HTD2: variants seen among roughly 807,000 people sequenced by gnomAD.
HTD2 encodes the protein hydroxyacyl-thioester dehydratase type 2, mitochondrial.
In HTD2, 1 loss-of-function variant was observed where a neutral mutation model predicts 3.1. The ratio of observed to expected loss-of-function variants is 0.32; its 90% CI spans 0.11 to 1.52. HTD2 has a LOEUF of 1.52. HTD2 is among the 40% of genes most tolerant of loss of function. HTD2 has a pLI of 0.39. For synonymous variants in HTD2, 50 were observed against 28.9 expected (o/e 1.73, Z -2.34); for missense variants, 150 against 79.6 (o/e 1.88, Z -3.36).
At chr3:58,316,223 G>A (rs1169421455) in intron 2 of HTD2, among the ~76,000 whole-genome samples, 1 of 152,192 alleles carries the variant, frequency 6.6e-6, no homozygotes, top group Non-Finnish European at 1.5e-5. Context: ...AAAGTATGGT[G>A]TCCTGTACAA....
intron 2 of HTD2, chr3:58,315,688 A>G (rs1389634774): frequency 6.6e-6 from 1 of 151,906 alleles, no homozygotes; most frequent in African/African-American, 2.4e-5. Flanking sequence ...TTATTTATTT[A>G]TTTTTGAAAC....
chr3:58,316,350 C>G (rs1307905881), intron 2 of HTD2, 165 bp from the exon 3 acceptor site: 4 of 615,520 alleles, frequency 6.5e-6, no homozygotes, highest in South Asian at 1.9e-5. Context: ...GCAGAACATT[C>G]TAGGCAGGGG....
intron 1 of HTD2, among the ~76,000 whole-genome samples, chr3:58,308,348 A>G (rs750114617): frequency 6.6e-6 from 1 of 152,144 alleles, no homozygotes; most frequent in African/African-American, 2.4e-5. Context: ...CAGTGGTACA[A>G]TCACAGTGCA....
At chr3:58,307,342 C>T (rs538235812) in intron 1 of HTD2, among the ~76,000 whole-genome samples, 7 of 152,138 alleles carry the variant, frequency 4.6e-5, no homozygotes, top group Non-Finnish European at 7.3e-5. Flanking sequence ...CACTGGCCGC[C>T]GTAGGGATGG....
chr3:58,314,366 A>G (rs540537824), intron 2 of HTD2, among the ~76,000 whole-genome samples: 96 of 152,290 alleles, frequency 6.3e-4, no homozygotes, highest in African/African-American at 2.2e-3. Context: ...AATAATAGTA[A>G]TAATAATAAA....
At chr3:58,313,335 GA>G (rs1486845927) in intron 2 of HTD2, among the ~76,000 whole-genome samples, 8 of 152,140 alleles carry the variant, frequency 5.3e-5, no homozygotes, top group Admixed American at 2.0e-4. Flanking sequence ...TTTATATTCT[GA>G]TTCAACTCAT....
chr3:58,310,322 T>C (rs1227929239), intron 1 of HTD2, 185 bp from the exon 2 acceptor site: 1 of 1,613,628 alleles, frequency 6.2e-7, no homozygotes, highest in Non-Finnish European at 8.5e-7. Context: ...TGATCAGCAC[T>C]GGAAAAGATG....
Position 58,317,745 on chromosome 3 carries a change from TAGG to T in HTD2, c.136_138del (p.Arg46del). On this transcript the variant is annotated inframe_deletion, in exon 5 of 5. Transcript: ENST00000461393. The stretch of plus-strand genomic sequence containing the variant: ...TCAAAGTTGGAGACCGCGCTGAACT[TAGG>T]AGGGCCTTCACACAGACTGATGTGG... 1.4e-6 allele frequency: 1 copy of T among 703,380 alleles called. No homozygotes were observed. The highest frequency in any genetic ancestry group is 2.6e-6 in the Non-Finnish European group (1 of 384,992). The allele number at this position is 703,380 out of a possible 1,614,324, so 43.6% of individuals were successfully genotyped here.
In HTD2 at chr3:58,319,358, ATAGT is replaced by A. The variant is rs539366299; in HGVS notation, c.*1240_*1243del. 6.6e-6 allele frequency: 1 copy of A among 152,148 alleles called. No homozygotes were observed. Among genetic ancestry groups the A allele is most frequent in the South Asian group, 2.1e-4 (1 of 4,830 alleles). 9.4% of individuals were successfully genotyped at this position (152,148 alleles called of 1,614,324 possible). ...ATAGTGGTAGCACATGCCATGTGGG[ATAGT>A]TGGTGGAGATGATAGATGGAGTTAA... On this transcript the variant is annotated 3_prime_UTR_variant, in exon 5 of 5. Transcript: ENST00000461393.
At chr3:58,308,964 A>G (rs1440560591) in intron 1 of HTD2, among the ~76,000 whole-genome samples, 3 of 152,234 alleles carry the variant, frequency 2.0e-5, no homozygotes, top group African/African-American at 4.8e-5. Context: ...AGAGATGAGC[A>G]TGTTCTACGT....
intron 2 of HTD2, among the ~76,000 whole-genome samples, chr3:58,314,237 G>T (rs974811328): frequency 6.6e-6 from 1 of 152,178 alleles, no homozygotes; most frequent in Non-Finnish European, 1.5e-5. Context: ...TGTAACCCCA[G>T]CTACTCGGGA....
intron 2 of HTD2, among the ~76,000 whole-genome samples, chr3:58,312,960 CAA>C (rs35853424): frequency 3.5e-3 from 277 of 79,002 alleles, no homozygotes; most frequent in African/African-American, 8.7e-3. Context: ...GACTCTGTCT[CAA>C]AAAAAAAAAA....
rs951305049 is a variant in HTD2, at chr3:58,320,090, G to C, written c.*1970G>C. On this transcript the variant is annotated 3_prime_UTR_variant, in exon 5 of 5. Transcript: ENST00000461393. Reference sequence around the variant, plus strand: ...TACAATGTATGATCCTTTGGAACTGGCTTCTTTGATATAGCATGTTTTCAG... The same window carrying C: ...TACAATGTATGATCCTTTGGAACTGCCTTCTTTGATATAGCATGTTTTCAG... 1.3e-5 allele frequency: 2 copies of C among 152,058 alleles called. No homozygotes were observed. The highest frequency in any genetic ancestry group is 4.8e-5 in the African/African-American group (2 of 41,382). The allele number at this position is 152,058 out of a possible 1,614,324, so 9.4% of individuals were successfully genotyped here.
chr3:58,316,641 TG>T, intron 3 of HTD2, 50 bp downstream of exon 3: 1 of 1,489,216 alleles, frequency 6.7e-7, no homozygotes, highest in South Asian at 1.1e-5. Context: ...GAGAGACCGA[TG>T]GAGCAAAAAT....
intron 2 of HTD2, among the ~76,000 whole-genome samples, chr3:58,312,070 G>T (rs183510687): frequency 8.6e-4 from 130 of 151,484 alleles, no homozygotes; most frequent in African/African-American, 3.1e-3. Flanking sequence ...TCACTATGTT[G>T]CCCAGGCTCC....
intron 1 of HTD2, among the ~76,000 whole-genome samples, chr3:58,308,825 C>T (rs984539242): frequency 2.1e-4 from 32 of 151,904 alleles, no homozygotes; most frequent in African/African-American, 7.7e-4. Flanking sequence ...GGGGGCTTAA[C>T]TTAGAGAAGG....
chr3:58,316,846 A>G (rs1450429009), intron 3 of HTD2, 69 bp from the exon 4 acceptor site: 4 of 1,304,478 alleles, frequency 3.1e-6, no homozygotes, highest in Non-Finnish European at 4.4e-6. Context: ...AATATTTTAG[A>G]AACCTTAGTT....
chr3:58,307,492 A>T (rs2097476761), intron 1 of HTD2, among the ~76,000 whole-genome samples: 1 of 152,180 alleles, frequency 6.6e-6, no homozygotes, highest in Non-Finnish European at 1.5e-5. Flanking sequence ...GAGGGGGCCG[A>T]GGTCGGCGGA....
At position 58,312,960 on chromosome 3, in the gene HTD2, CAAAAAAA is replaced by C. The variant is rs35853424; in HGVS notation, c.-331+2383_-331+2389del. 1.3e-4 allele frequency among the ~76,000 whole-genome samples: 10 copies of C among 79,040 alleles called. No homozygotes were observed. The South Asian group carries it at 4.0e-3, about 32-fold the overall frequency. 51.9% of individuals were successfully genotyped at this position (79,040 alleles called of 152,430 possible). A position where few individuals can be genotyped will look rare whatever the true frequency, so the allele number is the denominator to read the frequency against. ...TGGGCAACAGAGCAAGACTCTGTCT[CAAAAAAA>C]AAAAAAAAAAAAAGGGCTGGGCACG... On this transcript the variant is annotated intron_variant, in intron 2 of 4. Coordinates refer to ENST00000461393, the MANE Select transcript of HTD2 (RefSeq NM_001348712.2).
Sources: allele counts gnomAD v4.1 joint callset (sites outside exome capture counted in the v4.1 genomes callset), GRCh38; gene constraint gnomAD v4.1.1; transcripts MANE v1.5; gene names NCBI Gene and HGNC (gene_info 2026-07-23, HGNC 2026-07-21).